Variants in GABBR2 observed in about 807,000 individuals in gnomAD.
The protein encoded by GABBR2 is G-protein coupled receptor 51.
GABBR2 carries 23 observed loss-of-function variants against 105.6 expected under a neutral mutation model. The observed-to-expected ratio is 0.22, with a 90% CI of 0.16 to 0.31. The LOEUF (loss-of-function observed/expected upper bound fraction) is 0.31. GABBR2 is among the 10% of genes least tolerant of loss of function. The probability of loss-of-function intolerance (pLI) is 1.00; values close to 1 mark genes in which losing one functional copy is unlikely to be tolerated. For missense variants in GABBR2, 734 were observed against 1,245.5 expected (o/e 0.59, Z 6.18); for synonymous variants, 478 against 499.7 (o/e 0.96, Z 0.58).
chr9:98,382,144 G>A (rs1831988413), intron 11 of GABBR2, among the ~76,000 whole-genome samples: 2 of 152,056 alleles, frequency 1.3e-5, no homozygotes, highest in South Asian at 4.1e-4. Context: ...GGCATTCCCA[G>A]GTGTCCAACA....
At chr9:98,527,973 A>G (rs1017163717) in intron 3 of GABBR2, among the ~76,000 whole-genome samples, 1 of 152,248 alleles carries the variant, frequency 6.6e-6, no homozygotes, top group African/African-American at 2.4e-5. Context: ...GACAGTAGCC[A>G]TCAGCCACAT....
intron 1 of GABBR2, among the ~76,000 whole-genome samples, chr9:98,654,763 T>C (rs908371937): frequency 1.3e-5 from 2 of 151,130 alleles, no homozygotes; most frequent in East Asian, 1.9e-4. Context: ...CCCAAAGGAG[T>C]TGAAAACTTA....
rs529915651 is a variant in GABBR2 at position 98,579,918 on chromosome 9, C to T, written c.322-1846G>A. On this transcript the variant is annotated intron_variant, in intron 1 of 18. Transcript: ENST00000259455. ...AATTGATTGAGCAAAGTTCTATTCC[C>T]GCAGTCAGATGACCCTTAGGCAGGA... Among the ~76,000 whole-genome samples, 3 of 152,130 alleles carry T rather than the reference C, an allele frequency of 2.0e-5. No individual in the cohort carries two copies. The South Asian group carries it at 6.2e-4, about 32-fold the overall frequency.
chr9:98,528,870 G>A (rs1212432574), intron 3 of GABBR2, among the ~76,000 whole-genome samples: 1 of 152,114 alleles, frequency 6.6e-6, no homozygotes, highest in Admixed American at 6.5e-5. Flanking sequence ...TTGGCAATAT[G>A]TACAAAAGGT....
At chr9:98,542,404 G>A (rs574216125) in intron 2 of GABBR2, among the ~76,000 whole-genome samples, 2 of 152,132 alleles carry the variant, frequency 1.3e-5, no homozygotes, top group South Asian at 2.1e-4. Flanking sequence ...CCCATTTAAC[G>A]GTATCCTTAA....
At chr9:98,343,498 G>C (rs1047969977) in intron 13 of GABBR2, among the ~76,000 whole-genome samples, 7 of 152,106 alleles carry the variant, frequency 4.6e-5, no homozygotes, top group Non-Finnish European at 4.4e-5. Context: ...CCTCCACCTA[G>C]GATCACACCA....
At chr9:98,528,099 T>C (rs1827995777) in intron 3 of GABBR2, among the ~76,000 whole-genome samples, 1 of 152,176 alleles carries the variant, frequency 6.6e-6, no homozygotes, top group Admixed American at 6.5e-5. Flanking sequence ...CTTTTTACTT[T>C]ATAAAATGTG....
At chr9:98,352,696 A>G (rs1831420861) in intron 13 of GABBR2, among the ~76,000 whole-genome samples, 1 of 152,116 alleles carries the variant, frequency 6.6e-6, no homozygotes, top group Non-Finnish European at 1.5e-5. Flanking sequence ...CGGCATCCCC[A>G]GGCAGGCAAT....
chr9:98,684,069 G>C (rs1830587510), intron 1 of GABBR2, among the ~76,000 whole-genome samples: 1 of 147,396 alleles, frequency 6.8e-6, no homozygotes, highest in East Asian at 2.0e-4. Context: ...GTGGAATTTT[G>C]GGAAGCCACT....
chr9:98,675,472 G>T (rs1301341596), intron 1 of GABBR2, among the ~76,000 whole-genome samples: 4 of 152,206 alleles, frequency 2.6e-5, no homozygotes, highest in Admixed American at 2.6e-4. Context: ...CAAGGAAAAG[G>T]AGTGGTTAGA....
intron 7 of GABBR2, among the ~76,000 whole-genome samples, chr9:98,428,719 A>T (rs1825743522): frequency 6.6e-6 from 1 of 152,186 alleles, no homozygotes; most frequent in East Asian, 1.9e-4. Flanking sequence ...ATCAAAACTA[A>T]CGGGACTAGC....
At chr9:98,496,538 G>A (rs748585236) in intron 3 of GABBR2, 24 bp from the exon 4 acceptor site, 2 of 1,530,296 alleles carry the variant, frequency 1.3e-6, no homozygotes, top group Non-Finnish European at 1.8e-6. Context: ...GAAAGCAGAG[G>A]GTGGGTGTGC....
At chr9:98,571,655 A>G (rs1206723945) in intron 2 of GABBR2, among the ~76,000 whole-genome samples, 1 of 152,144 alleles carries the variant, frequency 6.6e-6, no homozygotes, top group African/African-American at 2.4e-5. Flanking sequence ...CTCTTCCCAT[A>G]TAGTTGGAGA....
At chr9:98,551,136 C>T (rs372750025) in intron 2 of GABBR2, among the ~76,000 whole-genome samples, 68 of 152,280 alleles carry the variant, frequency 4.5e-4, no homozygotes, top group African/African-American at 1.6e-3. Context: ...GGTGCAGTGG[C>T]TCATGCCTGT....
At chr9:98,476,606 A>G (rs1826799376) in intron 5 of GABBR2, among the ~76,000 whole-genome samples, 1 of 152,164 alleles carries the variant, frequency 6.6e-6, no homozygotes, top group African/African-American at 2.4e-5. Context: ...GCCCCTTCTC[A>G]TTCTCTTCTC....
intron 1 of GABBR2, among the ~76,000 whole-genome samples, chr9:98,648,377 C>A (rs1830060336): frequency 6.6e-6 from 1 of 152,118 alleles, no homozygotes; most frequent in South Asian, 2.1e-4. Flanking sequence ...AGGTGATCCA[C>A]CCACCTCAGC....
intron 1 of GABBR2, among the ~76,000 whole-genome samples, chr9:98,690,019 G>T (rs927498130): frequency 1.3e-5 from 2 of 152,122 alleles, no homozygotes; most frequent in Admixed American, 6.6e-5. Flanking sequence ...ACTGAAATGA[G>T]ACCTACTTTA....
chr9:98,697,333 T>C (rs1250902678), intron 1 of GABBR2, among the ~76,000 whole-genome samples: 1 of 151,914 alleles, frequency 6.6e-6, no homozygotes, highest in African/African-American at 2.4e-5. Context: ...CTACTAAAAC[T>C]ACAAAAAATT....
intron 13 of GABBR2, among the ~76,000 whole-genome samples, chr9:98,324,951 C>T (rs1407456538): frequency 1.3e-5 from 2 of 152,184 alleles, no homozygotes; most frequent in African/African-American, 4.8e-5. Context: ...TACACACACA[C>T]GCACACACAT....
Sources: allele counts gnomAD v4.1 joint callset (sites outside exome capture counted in the v4.1 genomes callset), GRCh38; gene constraint gnomAD v4.1.1; transcripts MANE v1.5; gene names NCBI Gene and HGNC (gene_info 2026-07-23, HGNC 2026-07-21).